The following CPA5 variants were observed in gnomAD, a reference collection of about 807,000 sequenced individuals.
CPA5 encodes carboxypeptidase A5.
Under a neutral mutation model 52.2 loss-of-function variants are expected in CPA5, and 38 were observed. That is an observed-to-expected ratio of 0.73 (90% CI 0.56 to 0.95). CPA5 has a LOEUF of 0.95. Ranked by LOEUF, CPA5 falls within the 40% of genes least tolerant of loss-of-function variation. The pLI, the probability that CPA5 is intolerant of heterozygous loss-of-function variation, is 0.00. For synonymous variants in CPA5, 198 were observed against 213.7 expected (o/e 0.93, Z 0.64); for missense variants, 519 against 566.7 (o/e 0.92, Z 0.86).
At chr7:130,372,812 C>T (rs1796307187), downstream of CPA5, among the ~76,000 whole-genome samples, 1 of 152,204 alleles carries the variant, frequency 6.6e-6, no homozygotes, top group Non-Finnish European at 1.5e-5. Flanking sequence ...GAGTCTGCAG[C>T]AGCTTCTCTG....
At chr7:130,373,828 C>A in the CPA5 span, among the ~76,000 whole-genome samples, 1 of 152,226 alleles carries the variant, frequency 6.6e-6, no homozygotes. Context: ...CAACAGCAGG[C>A]AGGGGAAGGC....
intron 5 of CPA5, among the ~76,000 whole-genome samples, chr7:130,353,809 A>C (rs1167912849): frequency 6.6e-6 from 1 of 152,228 alleles, no homozygotes; most frequent in Non-Finnish European, 1.5e-5. Context: ...AACAGCAGCC[A>C]GAAGAGTCCT....
rs112267621 is a variant in CPA5, at chr7:130,349,950, T to C, written c.199-25T>C. 1.1e-3 allele frequency: 1,702 copies of C among 1,605,464 alleles called. 10 individuals are homozygous for C. In the African/African-American group the frequency reaches 0.015, roughly 14 times the overall value. ...GTGGAAGGACATGGAGTAATGCAGC[T>C]CTCTCTCTTTCCTTGGTGAACAAGG... On this transcript the variant is annotated intron_variant, in intron 4 of 12. Transcript: ENST00000474905.
rs782000772 is a variant in CPA5, at chr7:130,367,509, T to A, written c.976T>A (p.Ser326Thr). 1 of 1,614,096 alleles carries A rather than the reference T, an allele frequency of 6.2e-7. No homozygotes were observed. The highest frequency in any genetic ancestry group is 1.7e-5 in the Admixed American group (1 of 60,008). ...GGCTCTGATCTCCATCCACAGCTAC[T>A]CTCAGATGCTTATGTACCCTTACGG... Reference protein sequence around the residue: ...FKALISIHSYSQMLMYPYGRL... With the variant: ...FKALISIHSYTQMLMYPYGRL... The change falls in exon 11 of 13, where the codon TCT becomes ACT. Residue 326 changes from serine to threonine, a missense_variant. By Grantham distance (58) the Ser-to-Thr change is moderately conservative (BLOSUM62 1). Transcript: ENST00000474905.
Position 130,345,021 on chromosome 7 carries a change from A to G in CPA5, c.-336A>G, listed in dbSNP as rs1233229586. 1 of 152,240 alleles carries G rather than the reference A, an allele frequency of 6.6e-6. No individual in the cohort carries two copies. The allele number at this position is 152,240 out of a possible 1,614,324, so 9.4% of individuals were successfully genotyped here. A position where few individuals can be genotyped will look rare whatever the true frequency, so the allele number is the denominator to read the frequency against. The stretch of plus-strand genomic sequence containing the variant: ...TTAAATTCCTGAGCTATTGTTTAGC[A>G]GTACACCCTTTTATCTCCATTGCTA... On this transcript the variant is annotated 5_prime_UTR_variant, in exon 1 of 13. Transcript: ENST00000474905.
chr7:130,348,502 C>T (rs1794917447), intron 4 of CPA5, among the ~76,000 whole-genome samples: 1 of 152,140 alleles, frequency 6.6e-6, no homozygotes, highest in Non-Finnish European at 1.5e-5. Flanking sequence ...GAAAAATAGG[C>T]ATCGCAAAAG....
downstream of CPA5, among the ~76,000 whole-genome samples, chr7:130,372,622 G>GT (rs1348223920): frequency 1.3e-5 from 2 of 152,220 alleles, no homozygotes; most frequent in East Asian, 3.8e-4. Flanking sequence ...GCCAGCTGAG[G>GT]TGGCGGGTCC....
At chr7:130,365,433 A>G (rs929571440) in intron 10 of CPA5, among the ~76,000 whole-genome samples, 9 of 152,252 alleles carry the variant, frequency 5.9e-5, no homozygotes, top group Non-Finnish European at 1.2e-4. Context: ...ACAATTATGG[A>G]AAAAAGCCCA....
At chr7:130,358,735 G>T (rs1371902524) in intron 5 of CPA5, among the ~76,000 whole-genome samples, 1 of 152,198 alleles carries the variant, frequency 6.6e-6, no homozygotes, top group African/African-American at 2.4e-5. Context: ...GCATGGGCTT[G>T]GGTGAAGGAC....
intron 4 of CPA5, 80 bp from the exon 5 acceptor site, chr7:130,349,895 C>T: frequency 6.7e-7 from 1 of 1,483,182 alleles, no homozygotes; most frequent in East Asian, 2.3e-5. Context: ...GAGAGATTCT[C>T]TGGCTCTCTG....
At chr7:130,371,646 C>T (rs1313228890), downstream of CPA5, among the ~76,000 whole-genome samples, 4 of 152,064 alleles carry the variant, frequency 2.6e-5, no homozygotes, top group Admixed American at 6.5e-5. Context: ...CAACCTCTGC[C>T]TCCCGGGTTC....
At chr7:130,361,431 G>A (rs1390531079) in intron 7 of CPA5, among the ~76,000 whole-genome samples, 187 bp downstream of exon 7, 4 of 152,166 alleles carry the variant, frequency 2.6e-5, no homozygotes, top group African/African-American at 9.7e-5. Flanking sequence ...GTATGAAGAG[G>A]TGACAGTGTG....
intron 5 of CPA5, among the ~76,000 whole-genome samples, chr7:130,352,369 G>C (rs1184795158): frequency 3.0e-5 from 3 of 100,080 alleles, no homozygotes; most frequent in South Asian, 3.3e-4. Context: ...GGGGATGGAG[G>C]GGGGTAAATC....
chr7:130,370,831 G>A (rs1008163822), downstream of CPA5, among the ~76,000 whole-genome samples: 1 of 152,222 alleles, frequency 6.6e-6, no homozygotes. Context: ...TTTACCAACT[G>A]CCCAAGGAGT....
downstream of CPA5, among the ~76,000 whole-genome samples, chr7:130,372,089 C>G (rs1317852680): frequency 6.6e-6 from 1 of 152,202 alleles, no homozygotes; most frequent in African/African-American, 2.4e-5. Flanking sequence ...AGTCCTAGGA[C>G]CACCCACTGG....
chr7:130,374,379 C>A, the CPA5 span, among the ~76,000 whole-genome samples: 4 of 152,100 alleles, frequency 2.6e-5, no homozygotes, highest in Non-Finnish European at 5.9e-5. Context: ...TCCCTCTGGT[C>A]GTCCCTTACC....
chr7:130,369,553 T>C (rs923291588), downstream of CPA5, among the ~76,000 whole-genome samples: 11 of 152,192 alleles, frequency 7.2e-5, no homozygotes, highest in Non-Finnish European at 1.6e-4. Context: ...AATGAGGTTG[T>C]GTAAGTCTGA....
At chr7:130,358,107 T>C (rs1795591541) in intron 5 of CPA5, among the ~76,000 whole-genome samples, 1 of 152,088 alleles carries the variant, frequency 6.6e-6, no homozygotes, top group South Asian at 2.1e-4. Flanking sequence ...GCAGTCCTCC[T>C]GCCTCAGCTT....
chr7:130,352,351 CG>C (rs1344468255), intron 5 of CPA5, among the ~76,000 whole-genome samples: 1 of 145,928 alleles, frequency 6.9e-6, no homozygotes, highest in Non-Finnish European at 1.5e-5. Flanking sequence ...TGGAGGGTCG[CG>C]GGGGCCGGGG....
Sources: gnomAD v4.1 joint callset for allele counts (sites outside exome capture counted in the v4.1 genomes callset) on GRCh38, gnomAD v4.1.1 for gene constraint, MANE v1.5 for transcripts, NCBI Gene and HGNC (gene_info 2026-07-23, HGNC 2026-07-21) for gene names.